Variants in JMJD1C observed in about 807,000 individuals in gnomAD.
JMJD1C encodes the protein jumonji domain containing 1C.
JMJD1C carries 31 observed loss-of-function variants against 245.3 expected under a neutral mutation model. The ratio of observed to expected loss-of-function variants is 0.13; its 90% CI spans 0.09 to 0.17. The LOEUF (loss-of-function observed/expected upper bound fraction) is 0.17, where lower values mean the gene tolerates loss of function less well. Ranked by LOEUF, JMJD1C falls within the 10% of genes least tolerant of loss-of-function variation. The probability of loss-of-function intolerance (pLI) is 1.00; values close to 1 mark genes in which losing one functional copy is unlikely to be tolerated. For synonymous variants in JMJD1C, 1,057 were observed against 1,017.4 expected, an observed-to-expected ratio of 1.04 and a Z score of -0.74; for missense variants, 2,691 against 3,000.2, an observed-to-expected ratio of 0.90 and a Z score of 2.41.
Position 63,209,098 on chromosome 10 carries a change from T to C in JMJD1C, c.2832A>G (p.Pro944=), listed in dbSNP as rs61758114. The C allele has an allele frequency of 1.4e-3, 2,200 of 1,613,580 alleles. 3 individuals are homozygous for C. The highest frequency in any genetic ancestry group is 1.7e-3 in the Non-Finnish European group (1,981 of 1,179,790). ...GATCTACTAAAGTTTTTGTCAATGG[T>C]GGACTGGAATGGGCTGTAATTTTAA... ...RPLKITAHSS[P]PLTKTLVDHH... The change falls in exon 9 of 26, where the codon CCA becomes CCG. Residue 944 remains proline (P), a synonymous_variant. Coordinates refer to ENST00000399262, the MANE Select transcript of JMJD1C (RefSeq NM_032776.3).
In JMJD1C at chr10:63,189,075, C is replaced by G. The variant is rs1207010811; in HGVS notation, c.6570+93G>C. Reference sequence around the variant, plus strand: ...CCCAAATGTGTTAACCACTATTTTTCCCCCCTCCATTTCTATTCCTAAGGA... The same window carrying G: ...CCCAAATGTGTTAACCACTATTTTTGCCCCCTCCATTTCTATTCCTAAGGA... On this transcript the variant is annotated intron_variant, in intron 18 of 25. Coordinates refer to ENST00000399262, the MANE Select transcript of JMJD1C (RefSeq NM_032776.3). 1.6e-5 allele frequency: 17 copies of G among 1,039,476 alleles called. No individual in the cohort carries two copies. In the East Asian group the frequency reaches 4.2e-4, roughly 26 times the overall value. 64.4% of individuals were successfully genotyped at this position (1,039,476 alleles called of 1,614,324 possible). A position where few individuals can be genotyped will look rare whatever the true frequency, so the allele number is the denominator to read the frequency against.
intron 1 of JMJD1C, among the ~76,000 whole-genome samples, chr10:63,446,489 G>A (rs1951727158): frequency 6.6e-6 from 1 of 152,156 alleles, no homozygotes; most frequent in South Asian, 2.1e-4. Flanking sequence ...CATATAGATG[G>A]TATTAAAGGT....
intron 2 of JMJD1C, among the ~76,000 whole-genome samples, chr10:63,378,196 C>G (rs1409668292): frequency 3.3e-5 from 5 of 151,916 alleles, no homozygotes; most frequent in Non-Finnish European, 5.9e-5. Context: ...AAAATTATGA[C>G]AAAATTATCA....
In JMJD1C at chr10:63,209,072, T is replaced by C. The variant is rs1847005999; in HGVS notation, c.2858A>G (p.His953Arg). ...GCACTGGTGAACTTACTCCTTATGATGATCTACTAAAGTTTTTGTCAATGG... is the reference window on the plus strand; with the variant it reads ...GCACTGGTGAACTTACTCCTTATGACGATCTACTAAAGTTTTTGTCAATGG... ...SPPLTKTLVDHHKEELERKAF... is the reference protein window; with the variant it reads ...SPPLTKTLVDRHKEELERKAF... The change falls in exon 9 of 26, where the codon CAT (histidine) becomes CGT (arginine). Residue 953 changes from histidine to arginine, a missense_variant. This residue lies in a region of JMJD1C where 1,562 missense variants were observed against 1,490.7 expected (regional missense o/e 1.05). Transcript: ENST00000399262. The C allele has an allele frequency of 6.2e-7, 1 of 1,612,024 alleles. No individual in the cohort carries two copies. The highest frequency in any genetic ancestry group is 1.3e-5 in the African/African-American group (1 of 74,852).
chr10:63,392,345 G>A (rs1162737928), intron 1 of JMJD1C, among the ~76,000 whole-genome samples: 1 of 152,068 alleles, frequency 6.6e-6, no homozygotes, highest in Non-Finnish European at 1.5e-5. Context: ...AACTCCAGAG[G>A]CGATATAAAT....
chr10:63,355,093 T>C (rs1015139198), intron 2 of JMJD1C, among the ~76,000 whole-genome samples: 1 of 151,408 alleles, frequency 6.6e-6, no homozygotes, highest in Non-Finnish European at 1.5e-5. Context: ...ATTTTTGTCT[T>C]AGAAAAAAAA....
chr10:63,279,695 G>A (rs1349191266), intron 2 of JMJD1C, among the ~76,000 whole-genome samples: 3 of 152,208 alleles, frequency 2.0e-5, no homozygotes, highest in Non-Finnish European at 4.4e-5. Context: ...AGTTAAGACT[G>A]TAGTGAGCCA....
chr10:63,480,842 A>G (rs1252620268), intron 1 of JMJD1C, among the ~76,000 whole-genome samples: 1 of 152,182 alleles, frequency 6.6e-6, no homozygotes, highest in Non-Finnish European at 1.5e-5. Context: ...TTTTGTGACT[A>G]CCAACAACAG....
intron 1 of JMJD1C, among the ~76,000 whole-genome samples, chr10:63,500,792 GATGCACGGATGC>G (rs1326777459): frequency 6.6e-6 from 1 of 151,286 alleles, no homozygotes; most frequent in African/African-American, 2.4e-5. Flanking sequence ...TGGATGGATG[GATGCACGGATGC>G]ATGGATGCAC....
chr10:63,181,414 T>C (rs1287440898), intron 22 of JMJD1C, among the ~76,000 whole-genome samples: 2 of 152,100 alleles, frequency 1.3e-5, no homozygotes, highest in African/African-American at 4.8e-5. Context: ...CTAGGGTGAA[T>C]GATAATCTGA....
intron 18 of JMJD1C, among the ~76,000 whole-genome samples, chr10:63,187,004 A>G (rs942733210): frequency 6.6e-6 from 1 of 152,208 alleles, no homozygotes; most frequent in Non-Finnish European, 1.5e-5. Flanking sequence ...CCTAGGAGAC[A>G]CAGCAAAACC....
chr10:63,204,778 G>T, intron 10 of JMJD1C: 1 of 985,390 alleles, frequency 1.0e-6, no homozygotes, highest in Non-Finnish European at 1.2e-6. Flanking sequence ...TTTGTCCTTT[G>T]TTCTTTCACT....
Position 63,184,387 on chromosome 10 carries a change from C to T in JMJD1C, c.6961+221G>A, listed in dbSNP as rs904444783. Among the ~76,000 whole-genome samples the T allele has an allele frequency of 3.9e-5, 6 of 152,010 alleles. No homozygotes were observed. In the South Asian group the frequency reaches 8.3e-4, roughly 21 times the overall value. ...CCTCCTGAGTAGCTGGGACTATAGG[C>T]GCACGCCACCACACCTGGCTAATTT... is the stretch of plus-strand genomic sequence containing the variant. On this transcript the variant is annotated intron_variant, in intron 21 of 25. Coordinates refer to ENST00000399262, the MANE Select transcript of JMJD1C (RefSeq NM_032776.3).
At chr10:63,204,323 T>G (rs1564599700) in intron 10 of JMJD1C, 4 of 985,206 alleles carry the variant, frequency 4.1e-6, no homozygotes, top group Non-Finnish European at 4.8e-6. Flanking sequence ...CATTACAACC[T>G]GGGGGAAAAA....
At chr10:63,501,908 C>T (rs767003702) in intron 1 of JMJD1C, among the ~76,000 whole-genome samples, 3 of 152,098 alleles carry the variant, frequency 2.0e-5, no homozygotes, top group Admixed American at 1.3e-4. Context: ...AAAAAGAAGG[C>T]GAGAAGAAAG....
rs192249701 is a variant in JMJD1C, at chr10:63,378,363, G to A, written c.333+1955C>T. On this transcript the variant is annotated intron_variant, in intron 2 of 25. Coordinates refer to ENST00000399262, the MANE Select transcript of JMJD1C (RefSeq NM_032776.3). ...TCCCAGCACTTTGGAGGGCCGAGGCGGGTGGATCACGAGGTCAGGAGATCG... is the reference window on the plus strand; with the variant it reads ...TCCCAGCACTTTGGAGGGCCGAGGCAGGTGGATCACGAGGTCAGGAGATCG... Among the ~76,000 whole-genome samples, 84 of 152,152 alleles carry A rather than the reference G, an allele frequency of 5.5e-4. 1 individual carries two copies. Among genetic ancestry groups the A allele is most frequent in the African/African-American group, 1.6e-3 (68 of 41,506 alleles).
intron 2 of JMJD1C, among the ~76,000 whole-genome samples, chr10:63,295,694 C>A (rs1377784044): frequency 6.6e-6 from 1 of 151,872 alleles, no homozygotes; most frequent in Non-Finnish European, 1.5e-5. Context: ...CTGGTAGGTA[C>A]AATTGATTCT....
intron 8 of JMJD1C, among the ~76,000 whole-genome samples, chr10:63,212,378 G>A (rs1847470079): frequency 6.6e-6 from 1 of 152,124 alleles, no homozygotes; most frequent in Admixed American, 6.5e-5. Context: ...GATACTTGAT[G>A]AGCATCCTAG....
At chr10:63,392,881 C>CACACAA (rs1948184633) in intron 1 of JMJD1C, among the ~76,000 whole-genome samples, 1 of 144,712 alleles carries the variant, frequency 6.9e-6, no homozygotes, top group Non-Finnish European at 1.5e-5. Flanking sequence ...CACACACACA[C>CACACAA]ACACACACAC....
Sources: gnomAD v4.1 joint callset for allele counts (sites outside exome capture counted in the v4.1 genomes callset) on GRCh38, gnomAD v4.1.1 for gene constraint, gnomAD v4.1.1 regional missense constraint, MANE v1.5 for transcripts, NCBI Gene and HGNC (gene_info 2026-07-23, HGNC 2026-07-21) for gene names.